ITFG1: variants seen among roughly 807,000 people sequenced by gnomAD.
ITFG1 encodes the protein integrin alpha FG-GAP repeat containing 1.
In ITFG1, 34 loss-of-function variants were observed where a neutral mutation model predicts 81.8. The observed-to-expected ratio is 0.42, with a 90% CI of 0.32 to 0.55. The LOEUF (loss-of-function observed/expected upper bound fraction) is 0.55, where lower values mean the gene tolerates loss of function less well. ITFG1 is among the 20% of genes least tolerant of loss of function. The probability of loss-of-function intolerance (pLI) is 0.17; values close to 1 mark genes in which losing one functional copy is unlikely to be tolerated. For synonymous variants in ITFG1, 285 were observed against 270.6 expected, an observed-to-expected ratio of 1.05 and a Z score of -0.52; for missense variants, 672 against 755.4, an observed-to-expected ratio of 0.89 and a Z score of 1.29.
chr16:47,377,408 C>A lies in ITFG1; in HGVS notation c.656-1468G>T, dbSNP rs186803388. Among the ~76,000 whole-genome samples, 9 of 152,252 alleles carry A rather than the reference C, an allele frequency of 5.9e-5. No individual in the cohort carries two copies. In the East Asian group the frequency reaches 1.5e-3, roughly 26 times the overall value. On this transcript the variant is annotated intron_variant, in intron 6 of 17. Coordinates refer to ENST00000320640, the MANE Select transcript of ITFG1 (RefSeq NM_030790.5). ...GTCATTTGATCTCATTCCTTTTCTT[C>A]CAAGATGAAGGGCAAATACCTCAGC...
At position 47,248,578 on chromosome 16, in the gene ITFG1, TTAAAG is replaced by T. The variant is rs1374728991; in HGVS notation, c.1330+10049_1330+10053del. Among the ~76,000 whole-genome samples the T allele has an allele frequency of 5.7e-4, 87 of 152,278 alleles. 1 individual carries two copies. The highest frequency in any genetic ancestry group is 5.5e-3 in the Admixed American group (84 of 15,294). On this transcript the variant is annotated intron_variant, in intron 12 of 17. Coordinates refer to ENST00000320640, the MANE Select transcript of ITFG1 (RefSeq NM_030790.5). The stretch of plus-strand genomic sequence containing the variant: ...AAGCTTATGAACAAGTAAAAATTAT[TTAAAG>T]TAGTCTATTAAATGAGTGCAAATAT...
Position 47,218,946 on chromosome 16 carries a change from GCTGC to G in ITFG1, c.1375-4_1375-1del. 1 of 1,569,206 alleles carries G rather than the reference GCTGC, an allele frequency of 6.4e-7. No homozygotes were observed. Among genetic ancestry groups the G allele is most frequent in the Admixed American group, 1.9e-5 (1 of 52,480 alleles). On this transcript the variant is annotated splice_acceptor_variant and splice_polypyrimidine_tract_variant and intron_variant, in intron 13 of 17. Coordinates refer to ENST00000320640, the MANE Select transcript of ITFG1 (RefSeq NM_030790.5). LOFTEE classifies it high-confidence loss of function. The stretch of plus-strand genomic sequence containing the variant: ...GGTCCAGGTTGATTCACTCCAAAGG[GCTGC>G]AATAGAAAAAAAAAATAGTTAAGGC...
chr16:47,341,250 C>G (rs1157111572), intron 8 of ITFG1, among the ~76,000 whole-genome samples: 1 of 147,366 alleles, frequency 6.8e-6, no homozygotes, highest in Non-Finnish European at 1.5e-5. Context: ...AAGACCCCAT[C>G]TGTAAAAAAT....
chr16:47,411,483 C>T (rs921358641), intron 6 of ITFG1, among the ~76,000 whole-genome samples: 3 of 152,070 alleles, frequency 2.0e-5, no homozygotes, highest in African/African-American at 4.8e-5. Context: ...GGGCTGTGGG[C>T]GCCATACCGG....
intron 14 of ITFG1, among the ~76,000 whole-genome samples, chr16:47,210,683 T>C (rs1217889221): frequency 6.6e-6 from 1 of 152,210 alleles, no homozygotes; most frequent in Non-Finnish European, 1.5e-5. Context: ...CCACTTTGAA[T>C]TCCTTTTTGT....
At chr16:47,337,253 C>G (rs1174946307) in intron 8 of ITFG1, among the ~76,000 whole-genome samples, 1 of 151,706 alleles carries the variant, frequency 6.6e-6, no homozygotes, top group African/African-American at 2.4e-5. Flanking sequence ...AAACTTTCAG[C>G]TGGAAGGTCA....
rs1476754239 is a variant in ITFG1 at position 47,162,467 on chromosome 16, TATTTA to T, written c.1578+68_1578+72del. ...AATTCAAATTCAATTAGGTTCAAAT[TATTTA>T]ATTTAAATACTTAAATAGTGAATAT... On this transcript the variant is annotated intron_variant, in intron 15 of 17. Transcript: ENST00000320640. 5.4e-5 allele frequency: 66 copies of T among 1,230,402 alleles called. 1 individual carries two copies. The South Asian group carries it at 5.7e-4, about 11-fold the overall frequency. The allele number at this position is 1,230,402 out of a possible 1,614,324, so 76.2% of individuals were successfully genotyped here.
intron 13 of ITFG1, among the ~76,000 whole-genome samples, chr16:47,220,872 T>C (rs1270315740): frequency 1.3e-5 from 2 of 152,188 alleles, no homozygotes; most frequent in African/African-American, 2.4e-5. Context: ...CAGAAAGTTG[T>C]TGAAATCAAC....
intron 8 of ITFG1, among the ~76,000 whole-genome samples, chr16:47,353,219 T>A (rs983106867): frequency 4.0e-5 from 6 of 151,360 alleles, no homozygotes; most frequent in African/African-American, 1.5e-4. Context: ...TTAAAAAAAA[T>A]TAAAAAAAAG....
At chr16:47,356,319 T>C (rs951291676) in intron 8 of ITFG1, among the ~76,000 whole-genome samples, 2 of 152,212 alleles carry the variant, frequency 1.3e-5, no homozygotes, top group African/African-American at 2.4e-5. Flanking sequence ...AAAGAGACAT[T>C]TGCAATATAC....
chr16:47,331,253 G>A (rs1222768235), intron 8 of ITFG1, among the ~76,000 whole-genome samples: 1 of 152,076 alleles, frequency 6.6e-6, no homozygotes, highest in African/African-American at 2.4e-5. Context: ...TTTACAAGTG[G>A]GAGCTAAACC....
At chr16:47,450,534 C>A in intron 5 of ITFG1, 1 of 276,046 alleles carries the variant, frequency 3.6e-6, no homozygotes. Flanking sequence ...TACTCCTCTG[C>A]ATACCTACAA....
At chr16:47,389,383 T>C (rs1968503152) in intron 6 of ITFG1, among the ~76,000 whole-genome samples, 1 of 151,784 alleles carries the variant, frequency 6.6e-6, no homozygotes, top group Non-Finnish European at 1.5e-5. Flanking sequence ...CCATAATATA[T>C]AGAAATGTAA....
At chr16:47,386,937 A>G (rs1455673096) in intron 6 of ITFG1, among the ~76,000 whole-genome samples, 1 of 152,260 alleles carries the variant, frequency 6.6e-6, no homozygotes, top group Non-Finnish European at 1.5e-5. Context: ...ACTAAATCAC[A>G]GACCAGGGCT....
chr16:47,388,778 C>A (rs1024838977), intron 6 of ITFG1, among the ~76,000 whole-genome samples: 1 of 152,104 alleles, frequency 6.6e-6, no homozygotes, highest in Admixed American at 6.5e-5. Context: ...CAAAGTGTGA[C>A]CCCGTCTTAC....
At chr16:47,280,152 T>C in intron 10 of ITFG1, among the ~76,000 whole-genome samples, 1 of 152,186 alleles carries the variant, frequency 6.6e-6, no homozygotes, top group East Asian at 1.9e-4. Flanking sequence ...AGTACTAGGT[T>C]CAATGGGAGT....
chr16:47,365,750 G>C (rs771072338), intron 8 of ITFG1, 38 bp downstream of exon 8: 1 of 1,181,312 alleles, frequency 8.5e-7, no homozygotes, highest in Non-Finnish European at 1.2e-6. Context: ...GAATTGGAAA[G>C]GCAAAAGCCT....
In ITFG1 at chr16:47,391,493, G is replaced by A. The variant is rs572346209; in HGVS notation, c.656-15553C>T. 1.0e-3 allele frequency among the ~76,000 whole-genome samples: 152 copies of A among 152,180 alleles called. 1 individual carries two copies. The highest frequency in any genetic ancestry group is 5.6e-3 in the Admixed American group (86 of 15,290). On this transcript the variant is annotated intron_variant, in intron 6 of 17. Transcript: ENST00000320640. ...TTAATGTTGCTTAAATGTTTAGGTC[G>A]TATTTAATGCCCTGGGCCTAACAAC...
chr16:47,339,883 G>A (rs1451972942), intron 8 of ITFG1, among the ~76,000 whole-genome samples: 1 of 151,742 alleles, frequency 6.6e-6, no homozygotes, highest in African/African-American at 2.4e-5. Context: ...GTCCACATAC[G>A]ATACTCTCAA....
Sources: allele counts gnomAD v4.1 joint callset (sites outside exome capture counted in the v4.1 genomes callset), GRCh38; gene constraint gnomAD v4.1.1; transcripts MANE v1.5; gene names NCBI Gene and HGNC (gene_info 2026-07-23, HGNC 2026-07-21).